VWA5B1: variants seen among roughly 807,000 people sequenced by gnomAD.
VWA5B1 encodes von Willebrand factor A domain containing 5B1.
A neutral mutation model predicts 118.2 loss-of-function variants in VWA5B1; 115 were observed. That is an observed-to-expected ratio of 0.97 (90% CI 0.84 to 1.14). The LOEUF is 1.14. Among genes scored for constraint, VWA5B1 ranks in the 50% most tolerant of loss-of-function variants. The probability of loss-of-function intolerance (pLI) is 0.00; values close to 1 mark genes in which losing one functional copy is unlikely to be tolerated. For missense variants in VWA5B1, 1,596 were observed against 1,603.8 expected (o/e 1.00, Z 0.08); for synonymous variants, 682 against 658.4 (o/e 1.04, Z -0.55).
intron 2 of VWA5B1, among the ~76,000 whole-genome samples, chr1:20,311,823 C>T (rs1000203878): frequency 6.6e-6 from 1 of 152,182 alleles, no homozygotes; most frequent in Non-Finnish European, 1.5e-5. Context: ...TGCAGGGAAA[C>T]TTTCTTTCCC....
Position 20,353,996 on chromosome 1 carries a change from G to A in VWA5B1, c.3381G>A (p.Leu1127=). 1 of 1,551,752 alleles carries A rather than the reference G, an allele frequency of 6.4e-7. No homozygotes were observed. Among genetic ancestry groups the A allele is most frequent in the South Asian group, 1.2e-5 (1 of 84,060 alleles). ...LEPLAKGKLG[L]EPRAVVEHTG... is the part of the protein sequence containing the mutation. ...CTCTGGCCAAGGGCAAGCTGGGCCT[G>A]GAGCCGAGGGCAGTGGTGGAGCACA... is the stretch of plus-strand genomic sequence containing the variant. Residue 1127 remains leucine, a synonymous_variant, in exon 22 of 22, where the codon CTG becomes CTA. Coordinates refer to ENST00000289815, the MANE Select transcript of VWA5B1 (RefSeq NM_001039500.3).
Position 20,310,750 on chromosome 1 carries a change from C to G in VWA5B1, c.139+10C>G, listed in dbSNP as rs1186059868. On this transcript the variant is annotated intron_variant, in intron 2 of 21. Transcript: ENST00000289815. The stretch of plus-strand genomic sequence containing the variant: ...GCCCAGCCCTTCCAGGGTAAGGACA[C>G]CTGCTGGGGCCTCCCCGGGACCACC... The G allele has an allele frequency of 4.6e-6, 7 of 1,531,166 alleles. No homozygotes were observed. The highest frequency in any genetic ancestry group is 6.1e-6 in the Non-Finnish European group (7 of 1,139,238). 94.8% of individuals were successfully genotyped at this position (1,531,166 alleles called of 1,614,324 possible).
intron 7 of VWA5B1, among the ~76,000 whole-genome samples, chr1:20,320,342 T>A (rs577098027): frequency 3.5e-4 from 54 of 152,350 alleles, no homozygotes; most frequent in South Asian, 8.3e-4. Context: ...CCACCCATGC[T>A]CTGCCCGCCT....
At chr1:20,345,001 C>T (rs970835604) in intron 16 of VWA5B1, among the ~76,000 whole-genome samples, 1 of 152,184 alleles carries the variant, frequency 6.6e-6, no homozygotes, top group African/African-American at 2.4e-5. Context: ...ACCCTCAGCT[C>T]ACCACTCTCC....
At chr1:20,344,243 A>G (rs543261951) in intron 16 of VWA5B1, among the ~76,000 whole-genome samples, 45 of 148,476 alleles carry the variant, frequency 3.0e-4, no homozygotes, top group Non-Finnish European at 4.9e-4. Flanking sequence ...TGGGCGCCCC[A>G]TTTCCCAGTG....
At chr1:20,307,440 G>A (rs6676490) in intron 1 of VWA5B1, among the ~76,000 whole-genome samples, 44,066 of 152,172 alleles carry the variant, frequency 0.29, 6,684 homozygotes, top group East Asian at 0.53. Context: ...GTGCCATTGA[G>A]GCACCCCAAA....
chr1:20,319,298 G>T, intron 6 of VWA5B1, 84 bp from the exon 7 acceptor site: 2 of 1,514,914 alleles, frequency 1.3e-6, no homozygotes, highest in Non-Finnish European at 1.8e-6. Flanking sequence ...ACCCCTGTGA[G>T]AATCTTGCAC....
At chr1:20,309,456 A>G (rs770192712) in intron 1 of VWA5B1, among the ~76,000 whole-genome samples, 4 of 152,224 alleles carry the variant, frequency 2.6e-5, no homozygotes, top group Non-Finnish European at 4.4e-5. Context: ...AAAAATGAGC[A>G]TGGGGTGGGC....
At chr1:20,346,104 A>T (rs1484028225) in intron 17 of VWA5B1, among the ~76,000 whole-genome samples, 2 of 152,252 alleles carry the variant, frequency 1.3e-5, no homozygotes, top group African/African-American at 2.4e-5. Flanking sequence ...GTGCCACTCC[A>T]TGAAATGAAT....
In VWA5B1 at chr1:20,304,578, C is replaced by T. The variant is rs551977710; in HGVS notation, c.-26-5998C>T. Among the ~76,000 whole-genome samples, 34 of 151,708 alleles carry T rather than the reference C, an allele frequency of 2.2e-4. 1 individual carries two copies. The highest frequency in any genetic ancestry group is 8.2e-4 in the African/African-American group (34 of 41,382). ...GTGTGTGTGTGTGTGCACGTGCGTG[C>T]ATGTGTGTGTGTGTGGTGACAGAGG... On this transcript the variant is annotated intron_variant, in intron 1 of 21. Transcript: ENST00000289815.
At chr1:20,342,239 G>A (rs1420484965) in intron 14 of VWA5B1, among the ~76,000 whole-genome samples, 193 bp from the exon 15 acceptor site, 2 of 151,616 alleles carry the variant, frequency 1.3e-5, no homozygotes, top group African/African-American at 4.9e-5. Context: ...ATGGAGACTG[G>A]GTCATGCGTC....
rs746235434 is a variant in VWA5B1 at position 20,345,438 on chromosome 1, C to A, written c.2627-18C>A. On this transcript the variant is annotated intron_variant, in intron 16 of 21. Transcript: ENST00000289815. ...ACTTTCTGAGTCCAAACAGTGACCCCAGTTTCTCCCTCCACAGGGTCCAAC... is the reference window on the plus strand; with the variant it reads ...ACTTTCTGAGTCCAAACAGTGACCCAAGTTTCTCCCTCCACAGGGTCCAAC... 6.4e-7 allele frequency: 1 copy of A among 1,550,746 alleles called. No homozygotes were observed. The highest frequency in any genetic ancestry group is 1.4e-5 in the African/African-American group (1 of 73,162).
chr1:20,299,415 G>A (rs1002528669), intron 1 of VWA5B1, among the ~76,000 whole-genome samples: 2 of 151,986 alleles, frequency 1.3e-5, no homozygotes, highest in African/African-American at 4.8e-5. Flanking sequence ...TTTTGTTTTT[G>A]TTTTTTGAGA....
chr1:20,293,047 A>T (rs189147900), intron 1 of VWA5B1, among the ~76,000 whole-genome samples: 116 of 152,292 alleles, frequency 7.6e-4, no homozygotes, highest in Admixed American at 2.5e-3. Flanking sequence ...GGTGCTCTAG[A>T]CACTGGCGAT....
At position 20,317,557 on chromosome 1, in the gene VWA5B1, G is replaced by T; in HGVS notation, c.591G>T (p.Trp197Cys). The part of the protein sequence containing the change: ...QGKDRHCFGA[W>C]APGSWNKLCL... Reference sequence around the variant, plus strand: ...AAGACAGGCACTGCTTCGGTGCCTGGGCCCCGGGCTCCTGGAATAAGTTGT... The same window carrying T: ...AAGACAGGCACTGCTTCGGTGCCTGTGCCCCGGGCTCCTGGAATAAGTTGT... Residue 197 changes from tryptophan (W) to cysteine (C), a missense_variant, in exon 5 of 22, where the codon TGG (tryptophan) becomes TGT (cysteine). Physicochemically the swap from Trp to Cys is radical, Grantham distance 215. Coordinates refer to ENST00000289815, the MANE Select transcript of VWA5B1 (RefSeq NM_001039500.3). 1 of 1,551,640 alleles carries T rather than the reference G, an allele frequency of 6.4e-7. No individual in the cohort carries two copies. Among genetic ancestry groups the T allele is most frequent in the Non-Finnish European group, 8.7e-7 (1 of 1,146,960 alleles).
At chr1:20,329,242 T>TTTGAAACA (rs1057474131) in intron 9 of VWA5B1, among the ~76,000 whole-genome samples, 1 of 151,908 alleles carries the variant, frequency 6.6e-6, no homozygotes, top group Non-Finnish European at 1.5e-5. Flanking sequence ...TCTTAAGACT[T>TTTGAAACA]TTGAAACATG....
intron 1 of VWA5B1, among the ~76,000 whole-genome samples, chr1:20,305,087 T>C (rs1273110908): frequency 6.6e-6 from 1 of 151,970 alleles, no homozygotes; most frequent in Admixed American, 6.5e-5. Context: ...CCTTGGAGCG[T>C]TGGGAGACAC....
intron 20 of VWA5B1, 134 bp from the exon 21 acceptor site, chr1:20,351,921 C>G: frequency 1.6e-6 from 1 of 632,030 alleles, no homozygotes; most frequent in Admixed American, 3.2e-5. Context: ...TTCCAGGCTT[C>G]TGCTTCCTTA....
intron 1 of VWA5B1, among the ~76,000 whole-genome samples, chr1:20,295,755 G>A (rs1196696456): frequency 2.0e-5 from 3 of 152,158 alleles, no homozygotes; most frequent in African/African-American, 7.2e-5. Context: ...GTGGCTGGAG[G>A]GCAGGAGATG....
Sources: allele counts gnomAD v4.1 joint callset (sites outside exome capture counted in the v4.1 genomes callset), GRCh38; gene constraint gnomAD v4.1.1; transcripts MANE v1.5; gene names NCBI Gene and HGNC (gene_info 2026-07-23, HGNC 2026-07-21).